Variants in INSC observed in about 807,000 individuals in gnomAD.
INSC encodes INSC spindle orientation adaptor protein.
A neutral mutation model predicts 58.6 loss-of-function variants in INSC; 67 were observed. The observed-to-expected ratio is 1.14, with a 90% CI of 0.94 to 1.40. INSC has a LOEUF of 1.40. Among genes scored for constraint, INSC ranks in the 40% most tolerant of loss-of-function variants. The pLI is 0.00. For synonymous variants in INSC, 262 were observed against 276.1 expected (o/e 0.95, Z 0.51); for missense variants, 714 against 692.0 (o/e 1.03, Z -0.36).
At chr11:15,206,843 C>T (rs537027010) in intron 7 of INSC, among the ~76,000 whole-genome samples, 2 of 152,300 alleles carry the variant, frequency 1.3e-5, no homozygotes, top group South Asian at 2.1e-4. Flanking sequence ...ATGGTGCCTG[C>T]GTGGAGAAAG....
downstream of INSC, among the ~76,000 whole-genome samples, chr11:15,251,715 T>G (rs1391895952): frequency 6.6e-6 from 1 of 151,932 alleles, no homozygotes; most frequent in Non-Finnish European, 1.5e-5. Context: ...TTCATTCTGG[T>G]GGGATGGTAT....
chr11:15,220,937 C>T (rs574940539), intron 7 of INSC, among the ~76,000 whole-genome samples: 88 of 152,334 alleles, frequency 5.8e-4, no homozygotes, highest in African/African-American at 2.1e-3. Flanking sequence ...AAATACTAAG[C>T]TCATCCTGTT....
chr11:15,176,691 G>A (rs1467476048), intron 3 of INSC, among the ~76,000 whole-genome samples: 7 of 152,250 alleles, frequency 4.6e-5, no homozygotes. Flanking sequence ...CCATGACTTT[G>A]AATCTTCTTC....
At chr11:15,204,541 G>C (rs750601189) in intron 7 of INSC, among the ~76,000 whole-genome samples, 1 of 152,214 alleles carries the variant, frequency 6.6e-6, no homozygotes, top group African/African-American at 2.4e-5. Flanking sequence ...GAGCTGGGCT[G>C]CTCAGCACTG....
chr11:15,155,073 G>T (rs145140583), intron 2 of INSC, among the ~76,000 whole-genome samples: 143 of 152,220 alleles, frequency 9.4e-4, no homozygotes, highest in Non-Finnish European at 1.6e-3. Flanking sequence ...AGGGTGCCCT[G>T]CCTTGATGGA....
At chr11:15,243,957 T>C (rs1262657685) in intron 12 of INSC, among the ~76,000 whole-genome samples, 1 of 152,020 alleles carries the variant, frequency 6.6e-6, no homozygotes, top group Non-Finnish European at 1.5e-5. Context: ...CATCTCTGTC[T>C]GTTTTAATAT....
At chr11:15,174,853 T>G (rs1590399045) in intron 2 of INSC, among the ~76,000 whole-genome samples, 1 of 152,258 alleles carries the variant, frequency 6.6e-6, no homozygotes, top group Non-Finnish European at 1.5e-5. Context: ...CATCTTCATA[T>G]CTGCTTTTCC....
the INSC span, among the ~76,000 whole-genome samples, chr11:15,258,814 C>T: frequency 2.6e-5 from 4 of 152,264 alleles, no homozygotes; most frequent in Non-Finnish European, 4.4e-5. Context: ...TCACTGCACA[C>T]GTTTAGCATA....
rs772178641 is a variant in INSC, at chr11:15,190,680, A to G, written c.580-21A>G. The G allele has an allele frequency of 1.9e-6, 3 of 1,555,360 alleles. No individual in the cohort carries two copies. The South Asian group carries it at 3.3e-5, about 17-fold the overall frequency. On this transcript the variant is annotated intron_variant, in intron 5 of 12. Transcript: ENST00000379556. ...TAGAGGTGGTGAGTAACTACTAGCT[A>G]ACTTTTCTCTCTCTTCTTAGGCACT...
chr11:15,132,979 T>C (rs1848160040), intron 1 of INSC, among the ~76,000 whole-genome samples: 1 of 152,198 alleles, frequency 6.6e-6, no homozygotes, highest in Non-Finnish European at 1.5e-5. Flanking sequence ...TGTATGTATA[T>C]GTTTTGTATT....
At chr11:15,220,014 T>G (rs553084095) in intron 7 of INSC, among the ~76,000 whole-genome samples, 2 of 152,324 alleles carry the variant, frequency 1.3e-5, no homozygotes, top group African/African-American at 4.8e-5. Context: ...TGAATTTTAT[T>G]GTGGACAGTT....
chr11:15,205,517 TG>T (rs1427668841), intron 7 of INSC, among the ~76,000 whole-genome samples: 1 of 152,178 alleles, frequency 6.6e-6, no homozygotes, highest in African/African-American at 2.4e-5. Flanking sequence ...GAATAAATGG[TG>T]GCTACTGTGA....
intron 2 of INSC, among the ~76,000 whole-genome samples, chr11:15,161,032 A>T (rs1302419677): frequency 6.6e-6 from 1 of 152,194 alleles, no homozygotes; most frequent in Non-Finnish European, 1.5e-5. Context: ...TACTCAAGAG[A>T]TAGTTTCTTT....
At chr11:15,218,863 G>T (rs7948854) in intron 7 of INSC, among the ~76,000 whole-genome samples, 7,670 of 152,122 alleles carry the variant, frequency 0.05, 681 homozygotes, top group African/African-American at 0.17. Flanking sequence ...CTCCATCTAC[G>T]ACGCCATTCC....
At chr11:15,235,768 T>A in intron 10 of INSC, 100 bp downstream of exon 10, 2 of 1,024,690 alleles carry the variant, frequency 2.0e-6, no homozygotes, top group Non-Finnish European at 3.1e-6. Context: ...TGTAAATAGG[T>A]ACATGTGGCC....
intron 2 of INSC, among the ~76,000 whole-genome samples, chr11:15,151,034 C>A (rs1208175214): frequency 6.6e-6 from 1 of 152,052 alleles, no homozygotes; most frequent in Non-Finnish European, 1.5e-5. Context: ...CTCTCTAGAG[C>A]CTGAGGGTGC....
intron 2 of INSC, among the ~76,000 whole-genome samples, chr11:15,172,645 C>T (rs1043819977): frequency 3.3e-5 from 5 of 151,978 alleles, no homozygotes; most frequent in Non-Finnish European, 1.5e-5. Flanking sequence ...TAGAAACTTG[C>T]CAGGTAGAGA....
Position 15,149,215 on chromosome 11 carries a change from C to T in INSC, c.41C>T (p.Thr14Ile), listed in dbSNP as rs765710894. 3.1e-6 allele frequency: 5 copies of T among 1,608,384 alleles called. No individual in the cohort carries two copies. The highest frequency in any genetic ancestry group is 2.2e-5 in the South Asian group (2 of 90,310). Reference sequence around the variant, plus strand: ...GGAGGTCGCCACCTGGACTCCGTCACCCTGCCGGGTCAGCGGTAAGTCCTA... The same window carrying T: ...GGAGGTCGCCACCTGGACTCCGTCATCCTGCCGGGTCAGCGGTAAGTCCTA... ...LPGGRHLDSV[T>I]LPGQRLHLMQ... Residue 14 changes from threonine to isoleucine, a missense_variant, in exon 2 of 13, where the codon ACC becomes ATC. By Grantham distance (89) the Thr-to-Ile change is moderately conservative. Transcript: ENST00000379556.
At chr11:15,136,602 T>C (rs1848250895) in intron 1 of INSC, among the ~76,000 whole-genome samples, 2 of 152,194 alleles carry the variant, frequency 1.3e-5, no homozygotes, top group African/African-American at 4.8e-5. Flanking sequence ...TAGGAGTAGA[T>C]TACATCTCAA....
Sources: gnomAD v4.1 joint callset for allele counts (sites outside exome capture counted in the v4.1 genomes callset) on GRCh38, gnomAD v4.1.1 for gene constraint, MANE v1.5 for transcripts, NCBI Gene and HGNC (gene_info 2026-07-23, HGNC 2026-07-21) for gene names.